SGPL1: variants seen among roughly 807,000 people sequenced by gnomAD.
SGPL1 encodes sphingosine-1-phosphate lyase 1.
A neutral mutation model predicts 68.9 loss-of-function variants in SGPL1; 37 were observed. That is an observed-to-expected ratio of 0.54 (90% confidence interval 0.41 to 0.71). The LOEUF is 0.71. Ranked by LOEUF, SGPL1 falls within the 30% of genes least tolerant of loss-of-function variation. The probability of loss-of-function intolerance (pLI) is 0.00; values close to 1 mark genes in which losing one functional copy is unlikely to be tolerated. For missense variants in SGPL1, 551 were observed against 704.6 expected (o/e 0.78, Z 2.47); for synonymous variants, 236 against 248.5 (o/e 0.95, Z 0.47).
At chr10:70,828,161 CA>C in intron 2 of SGPL1, among the ~76,000 whole-genome samples, 1 of 152,110 alleles carries the variant, frequency 6.6e-6, no homozygotes, top group Non-Finnish European at 1.5e-5. Flanking sequence ...AACAGATTTC[CA>C]AAGTGGTTGT....
At position 70,871,076 on chromosome 10, in the gene SGPL1, C is replaced by T; in HGVS notation, c.839C>T (p.Thr280Ile). The T allele has an allele frequency of 6.2e-7, 1 of 1,613,920 alleles. No homozygotes were observed. Residue 280 changes from threonine (T) to isoleucine (I), a missense_variant, in exon 10 of 15, where the codon ACT becomes ATT. Coordinates refer to ENST00000373202, the MANE Select transcript of SGPL1 (RefSeq NM_003901.4). Reference sequence around the variant, plus strand: ...ATGAGAAGAGCTATCTCCAGGAACACTGCCATGCTCGTCTGTTCTACCCCA... The same window carrying T: ...ATGAGAAGAGCTATCTCCAGGAACATTGCCATGCTCGTCTGTTCTACCCCA... ...RAMRRAISRN[T>I]AMLVCSTPQF...
intron 11 of SGPL1, among the ~76,000 whole-genome samples, chr10:70,872,288 A>G (rs1846311278): frequency 6.6e-6 from 1 of 152,168 alleles, no homozygotes; most frequent in South Asian, 2.1e-4. Context: ...TTGTTAAAAA[A>G]GCTCCCTGAA....
intron 2 of SGPL1, among the ~76,000 whole-genome samples, chr10:70,819,722 T>C (rs983804509): frequency 6.6e-6 from 1 of 151,228 alleles, no homozygotes; most frequent in Non-Finnish European, 1.5e-5. Flanking sequence ...CCTCAATCTC[T>C]GAGGCTCAGA....
intron 2 of SGPL1, among the ~76,000 whole-genome samples, chr10:70,828,527 C>A (rs1845475313): frequency 6.6e-6 from 1 of 152,130 alleles, no homozygotes; most frequent in African/African-American, 2.4e-5. Flanking sequence ...AATGCCCTTC[C>A]TTTTCTGTAA....
intron 2 of SGPL1, among the ~76,000 whole-genome samples, chr10:70,842,855 T>C (rs1214327730): frequency 1.3e-5 from 2 of 152,200 alleles, no homozygotes; most frequent in Non-Finnish European, 2.9e-5. Context: ...ACTTGGGCAC[T>C]GTTACTTGGG....
At chr10:70,827,873 A>G (rs1447160325) in intron 2 of SGPL1, among the ~76,000 whole-genome samples, 1 of 152,210 alleles carries the variant, frequency 6.6e-6, no homozygotes, top group Admixed American at 6.5e-5. Flanking sequence ...TGAACTTTAC[A>G]TAAAGTGGAA....
intron 2 of SGPL1, among the ~76,000 whole-genome samples, chr10:70,841,670 T>C (rs578240458): frequency 6.6e-6 from 1 of 152,128 alleles, no homozygotes; most frequent in Non-Finnish European, 1.5e-5. Flanking sequence ...TTTCAACATA[T>C]GAATTTTTGG....
chr10:70,830,776 C>T (rs142215414), intron 2 of SGPL1, among the ~76,000 whole-genome samples: 410 of 152,200 alleles, frequency 2.7e-3, no homozygotes, highest in Non-Finnish European at 4.2e-3. Flanking sequence ...TTCTGGGCGT[C>T]GGAGGAGTCT....
intron 2 of SGPL1, among the ~76,000 whole-genome samples, chr10:70,833,537 T>C (rs1423931821): frequency 6.6e-6 from 1 of 152,264 alleles, no homozygotes; most frequent in Non-Finnish European, 1.5e-5. Flanking sequence ...TAAACTTTAA[T>C]GCTTTTGGAG....
Position 70,861,702 on chromosome 10 carries a change from C to T in SGPL1, c.615+2203C>T, listed in dbSNP as rs566518543. Among the ~76,000 whole-genome samples the T allele has an allele frequency of 3.9e-5, 6 of 152,316 alleles. No homozygotes were observed. The East Asian group carries it at 1.2e-3, about 29-fold the overall frequency. On this transcript the variant is annotated intron_variant, in intron 7 of 14. Transcript: ENST00000373202. ...GCGCTTGCGGGCCAGCTAGAGTTCC[C>T]GGTGAGCATGGGCTTGGCGGGCCCC...
At chr10:70,864,251 C>G (rs892830480) in intron 7 of SGPL1, among the ~76,000 whole-genome samples, 4 of 152,142 alleles carry the variant, frequency 2.6e-5, no homozygotes, top group African/African-American at 7.2e-5. Flanking sequence ...TTCTGGGTTA[C>G]TCCGCTTTTC....
chr10:70,825,879 A>G (rs1357897947), intron 2 of SGPL1, among the ~76,000 whole-genome samples: 2 of 152,214 alleles, frequency 1.3e-5, no homozygotes, highest in Non-Finnish European at 2.9e-5. Flanking sequence ...AGACATAAAT[A>G]TATTTCTTTA....
intron 8 of SGPL1, among the ~76,000 whole-genome samples, chr10:70,868,702 T>C (rs1052912762): frequency 6.6e-6 from 1 of 151,854 alleles, no homozygotes; most frequent in African/African-American, 2.4e-5. Context: ...ATAAGATCCT[T>C]TTTCCAAAAG....
intron 12 of SGPL1, 36 bp downstream of exon 12, chr10:70,873,625 T>C: frequency 6.6e-7 from 1 of 1,511,670 alleles, no homozygotes. Flanking sequence ...CCTTGTCTAT[T>C]GCTTTTTTGT....
At chr10:70,850,215 G>C (rs1456729848) in intron 3 of SGPL1, among the ~76,000 whole-genome samples, 2 of 152,038 alleles carry the variant, frequency 1.3e-5, no homozygotes, top group African/African-American at 4.8e-5. Context: ...GGGTCTCACT[G>C]TGTTGCCCAG....
chr10:70,835,735 C>CAAAAAA (rs66962270), intron 2 of SGPL1, among the ~76,000 whole-genome samples: 24 of 70,126 alleles, frequency 3.4e-4, no homozygotes, highest in Non-Finnish European at 5.5e-4. Context: ...GACTCCGTCT[C>CAAAAAA]AAAAAAAAAA....
rs746950533 is a variant in SGPL1, at chr10:70,877,402, C to A, written c.*67C>A. 78 of 1,524,862 alleles carry A rather than the reference C, an allele frequency of 5.1e-5. No homozygotes were observed. The highest frequency in any genetic ancestry group is 6.8e-5 in the Non-Finnish European group (75 of 1,102,276). 94.5% of individuals were successfully genotyped at this position (1,524,862 alleles called of 1,614,324 possible). On this transcript the variant is annotated 3_prime_UTR_variant, in exon 15 of 15. Transcript: ENST00000373202. ...AAGGTTCTTGGGATATGGAACAGGCCGTGCACAACTTTGACATCTGGTCTT... is the reference window on the plus strand; with the variant it reads ...AAGGTTCTTGGGATATGGAACAGGCAGTGCACAACTTTGACATCTGGTCTT...
chr10:70,837,560 C>T (rs945312121), intron 2 of SGPL1, among the ~76,000 whole-genome samples: 3 of 152,088 alleles, frequency 2.0e-5, no homozygotes, highest in East Asian at 3.9e-4. Flanking sequence ...TAAAATAGTG[C>T]CTTCATACAG....
chr10:70,876,537 C>T lies in SGPL1; in HGVS notation c.1446-4C>T. On this transcript the variant is annotated splice_polypyrimidine_tract_variant and splice_region_variant and intron_variant, in intron 13 of 14. Coordinates refer to ENST00000373202, the MANE Select transcript of SGPL1 (RefSeq NM_003901.4). ...TTCATCTCTCTCTGTCTCTTCTTTC[C>T]TAGTATTCATTTCTGCATCACATTA... 1.2e-6 allele frequency: 2 copies of T among 1,608,214 alleles called. No homozygotes were observed. The highest frequency in any genetic ancestry group is 1.7e-6 in the Non-Finnish European group (2 of 1,178,004).
Sources: gnomAD v4.1 joint callset for allele counts (sites outside exome capture counted in the v4.1 genomes callset) on GRCh38, gnomAD v4.1.1 for gene constraint, MANE v1.5 for transcripts, NCBI Gene and HGNC (gene_info 2026-07-23, HGNC 2026-07-21) for gene names.